Variants in LRP1B observed in about 807,000 individuals in gnomAD.
LRP1B encodes low-density lipoprotein receptor-related protein 1B.
A neutral mutation model predicts 556.6 loss-of-function variants in LRP1B; 217 were observed. The observed-to-expected ratio is 0.39, with a 90% CI of 0.35 to 0.44. LRP1B has a LOEUF of 0.44. Ranked by LOEUF, LRP1B falls within the 20% of genes least tolerant of loss-of-function variation. The pLI, the probability that LRP1B is intolerant of heterozygous loss-of-function variation, is 1.00. For synonymous variants in LRP1B, 2,047 were observed against 1,865.8 expected, an observed-to-expected ratio of 1.10 and a Z score of -2.50; for missense variants, 5,053 against 5,620.8, an observed-to-expected ratio of 0.90 and a Z score of 3.23.
intron 3 of LRP1B, among the ~76,000 whole-genome samples, chr2:141,391,669 C>A (rs2104906569): frequency 6.6e-6 from 1 of 151,906 alleles, no homozygotes; most frequent in South Asian, 2.1e-4. Context: ...TCTACAGCAT[C>A]AAAAATCAGG....
At chr2:142,022,203 C>T (rs1017222433) in intron 1 of LRP1B, among the ~76,000 whole-genome samples, 1 of 151,740 alleles carries the variant, frequency 6.6e-6, no homozygotes, top group African/African-American at 2.4e-5. Context: ...AATCATCTTG[C>T]TTTGTTCTTC....
At chr2:141,746,644 AG>A (rs1309690665) in intron 2 of LRP1B, among the ~76,000 whole-genome samples, 2 of 151,994 alleles carry the variant, frequency 1.3e-5, no homozygotes, top group Non-Finnish European at 2.9e-5. Context: ...GTTTCTATGC[AG>A]AAAAAAAAAA....
At chr2:141,262,377 T>A (rs993822200) in intron 3 of LRP1B, among the ~76,000 whole-genome samples, 7 of 152,120 alleles carry the variant, frequency 4.6e-5, no homozygotes, top group African/African-American at 1.7e-4. Flanking sequence ...TCCTAGCCTA[T>A]AGTTTCTCTT....
intron 80 of LRP1B, among the ~76,000 whole-genome samples, chr2:140,324,835 GTTAACTTCATTGTAATTAA>G (rs1034165823): frequency 2.7e-5 from 4 of 147,344 alleles, no homozygotes; most frequent in Non-Finnish European, 5.9e-5. Context: ...GCCAGAACAA[GTTAACTTCATTGTAATTAA>G]TTACAGGGAT....
In LRP1B at chr2:141,599,504, A is replaced by G. The variant is rs1190897579; in HGVS notation, c.206-118971T>C. ...CATTAAATTTTATTTAAAATTAACTATCATATAAAACTTTAGGGTAACCAT... is the reference window on the plus strand; with the variant it reads ...CATTAAATTTTATTTAAAATTAACTGTCATATAAAACTTTAGGGTAACCAT... On this transcript the variant is annotated intron_variant, in intron 2 of 90. Coordinates refer to ENST00000389484, the MANE Select transcript of LRP1B (RefSeq NM_018557.3). Among the ~76,000 whole-genome samples, 3 of 152,126 alleles carry G rather than the reference A, an allele frequency of 2.0e-5. No individual in the cohort carries two copies. In the East Asian group the frequency reaches 5.8e-4, roughly 29 times the overall value.
intron 3 of LRP1B, among the ~76,000 whole-genome samples, chr2:141,443,422 C>T (rs549987503): frequency 6.6e-6 from 1 of 152,216 alleles, no homozygotes; most frequent in Admixed American, 6.5e-5. Flanking sequence ...TGTGCAGGAG[C>T]TCTTTAGTTG....
intron 51 of LRP1B, 100 bp downstream of exon 51, chr2:140,514,553 T>C: frequency 8.9e-7 from 1 of 1,127,396 alleles, no homozygotes; most frequent in Non-Finnish European, 1.2e-6. Flanking sequence ...ATAAATTTTA[T>C]GTTAATTTTA....
intron 32 of LRP1B, among the ~76,000 whole-genome samples, chr2:140,803,262 T>A (rs926829483): frequency 4.3e-5 from 1 of 23,288 alleles, no homozygotes; most frequent in African/African-American, 9.7e-5. Flanking sequence ...TATTGAAAGT[T>A]TTTTTTTTTT....
rs576718594 is a variant in LRP1B, at chr2:140,922,657, GAAAT to G, written c.3319+304_3319+307del. Among the ~76,000 whole-genome samples, 472 of 151,782 alleles carry G rather than the reference GAAAT, an allele frequency of 3.1e-3. 2 individuals are homozygous for G. The highest frequency in any genetic ancestry group is 0.011 in the African/African-American group (458 of 41,400). On this transcript the variant is annotated intron_variant, in intron 21 of 90. Coordinates refer to ENST00000389484, the MANE Select transcript of LRP1B (RefSeq NM_018557.3). The stretch of plus-strand genomic sequence containing the variant: ...CCTGGTTTAAAAATCCCAAATCTCA[GAAAT>G]AAATAAACAAATAAATTAATTAATT...
chr2:141,973,245 CTCTT>C (rs764324640), intron 1 of LRP1B, among the ~76,000 whole-genome samples: 5 of 151,568 alleles, frequency 3.3e-5, no homozygotes, highest in African/African-American at 4.8e-5. Context: ...ATTTTAATAA[CTCTT>C]TATTGATTAA....
At chr2:140,567,096 C>T (rs1177047100) in intron 43 of LRP1B, among the ~76,000 whole-genome samples, 1 of 152,134 alleles carries the variant, frequency 6.6e-6, no homozygotes, top group Admixed American at 6.5e-5. Flanking sequence ...TAGGCTGAGA[C>T]ACCCTGCCCC....
intron 3 of LRP1B, among the ~76,000 whole-genome samples, chr2:141,463,544 T>A (rs1682000621): frequency 2.8e-5 from 1 of 35,428 alleles, no homozygotes; most frequent in Non-Finnish European, 6.4e-5. Context: ...ATATATTATA[T>A]ATAATTATAT....
chr2:140,475,422 G>C, intron 59 of LRP1B, 85 bp from the exon 60 acceptor site: 2 of 968,288 alleles, frequency 2.1e-6, no homozygotes, highest in Non-Finnish European at 3.0e-6. Flanking sequence ...TTGCTCAACT[G>C]TTCCCACATT....
intron 27 of LRP1B, among the ~76,000 whole-genome samples, chr2:140,862,314 T>C (rs747016142): frequency 6.6e-6 from 1 of 152,202 alleles, no homozygotes; most frequent in African/African-American, 2.4e-5. Context: ...ATAAAACTTG[T>C]ATGAAATTCA....
At position 140,279,440 on chromosome 2, in the gene LRP1B, T is replaced by C. The variant is rs1682823347; in HGVS notation, c.12968-4842A>G. ...CTGCAATGTTAATAAATCATAAGAATGCCAGTTTAATTTTTCTCTCACTCC... is the reference window on the plus strand; with the variant it reads ...CTGCAATGTTAATAAATCATAAGAACGCCAGTTTAATTTTTCTCTCACTCC... On this transcript the variant is annotated intron_variant, in intron 84 of 90. Coordinates refer to ENST00000389484, the MANE Select transcript of LRP1B (RefSeq NM_018557.3). Among the ~76,000 whole-genome samples the C allele has an allele frequency of 2.0e-5, 3 of 151,966 alleles. No individual in the cohort carries two copies. The South Asian group carries it at 6.2e-4, about 31-fold the overall frequency.
chr2:140,528,231 G>T (rs1690524822), intron 47 of LRP1B, among the ~76,000 whole-genome samples: 1 of 151,866 alleles, frequency 6.6e-6, no homozygotes, highest in African/African-American at 2.4e-5. Flanking sequence ...GTAGTTCTGA[G>T]GTAACAGAGA....
chr2:141,876,929 A>G (rs1023597591), intron 1 of LRP1B, among the ~76,000 whole-genome samples: 1 of 151,996 alleles, frequency 6.6e-6, no homozygotes, highest in African/African-American at 2.4e-5. Flanking sequence ...GAATCAATCT[A>G]AAGAACCCAG....
At chr2:140,397,915 T>A (rs1183204302) in intron 66 of LRP1B, among the ~76,000 whole-genome samples, 1 of 152,220 alleles carries the variant, frequency 6.6e-6, no homozygotes, top group Non-Finnish European at 1.5e-5. Flanking sequence ...ATTCTAATGA[T>A]GCTTGCATAG....
At chr2:141,346,876 T>A (rs1163718564) in intron 3 of LRP1B, among the ~76,000 whole-genome samples, 1 of 152,146 alleles carries the variant, frequency 6.6e-6, no homozygotes, top group Non-Finnish European at 1.5e-5. Flanking sequence ...CCAATGTTTT[T>A]ATTCTTTTGT....
Sources: allele counts gnomAD v4.1 joint callset (sites outside exome capture counted in the v4.1 genomes callset), GRCh38; gene constraint gnomAD v4.1.1; transcripts MANE v1.5; gene names NCBI Gene and HGNC (gene_info 2026-07-23, HGNC 2026-07-21).